SCHIP1: variants seen among roughly 807,000 people sequenced by gnomAD.
The protein encoded by SCHIP1 is schwannomin-interacting protein 1.
SCHIP1 carries 8 observed loss-of-function variants against 29.7 expected under a neutral mutation model. The observed-to-expected ratio is 0.27, with a 90% CI of 0.16 to 0.49. The LOEUF is 0.49. Ranked by LOEUF, SCHIP1 falls within the 20% of genes least tolerant of loss-of-function variation. The pLI is 0.99. For missense variants in SCHIP1, 193 were observed against 294.6 expected, an observed-to-expected ratio of 0.66 and a Z score of 2.52; for synonymous variants, 76 against 94.9, an observed-to-expected ratio of 0.80 and a Z score of 1.16.
chr3:159,542,632 T>A, the SCHIP1 span, among the ~76,000 whole-genome samples: 2 of 151,996 alleles, frequency 1.3e-5, no homozygotes, highest in African/African-American at 4.8e-5. Context: ...GAAAGGAGTC[T>A]AGGAACTGAG....
the SCHIP1 span, among the ~76,000 whole-genome samples, chr3:159,573,681 C>T: frequency 4.4e-3 from 665 of 152,274 alleles, 7 homozygotes; most frequent in African/African-American, 0.015. Flanking sequence ...GGAAGTTCTG[C>T]TGGATACTAT....
the SCHIP1 span, among the ~76,000 whole-genome samples, chr3:159,706,255 C>T: frequency 2.0e-5 from 3 of 152,092 alleles, no homozygotes; most frequent in East Asian, 5.8e-4. Context: ...ATGAATATCC[C>T]CCATTTCTCA....
the SCHIP1 span, among the ~76,000 whole-genome samples, chr3:159,287,721 G>A: frequency 1.3e-5 from 2 of 152,050 alleles, no homozygotes; most frequent in African/African-American, 2.4e-5. Context: ...CATTTTACAG[G>A]TGAAGAATCT....
chr3:159,310,561 C>T, the SCHIP1 span, among the ~76,000 whole-genome samples: 4 of 152,218 alleles, frequency 2.6e-5, no homozygotes, highest in East Asian at 1.9e-4. Context: ...TTTCCATAAG[C>T]CACAGACGGT....
chr3:159,678,821 G>A, the SCHIP1 span, among the ~76,000 whole-genome samples: 1 of 152,238 alleles, frequency 6.6e-6, no homozygotes, highest in Admixed American at 6.5e-5. Context: ...AGTGGCAGAA[G>A]ACAGAATGAG....
At chr3:159,740,233 C>A in the SCHIP1 span, among the ~76,000 whole-genome samples, 1 of 152,212 alleles carries the variant, frequency 6.6e-6, no homozygotes, top group African/African-American at 2.4e-5. Flanking sequence ...TGTCCCCAGG[C>A]TGAGCTGAAG....
At chr3:159,476,903 GTCTA>G in the SCHIP1 span, among the ~76,000 whole-genome samples, 1 of 151,986 alleles carries the variant, frequency 6.6e-6, no homozygotes, top group Non-Finnish European at 1.5e-5. Flanking sequence ...AACTTATTCT[GTCTA>G]TCTGAAACTT....
chr3:159,538,444 A>G, the SCHIP1 span, among the ~76,000 whole-genome samples: 1 of 152,160 alleles, frequency 6.6e-6, no homozygotes, highest in East Asian at 1.9e-4. Context: ...TCCTTTGTGT[A>G]GAACTGGGAC....
the SCHIP1 span, among the ~76,000 whole-genome samples, chr3:159,624,647 A>G: frequency 6.6e-6 from 1 of 152,186 alleles, no homozygotes; most frequent in Non-Finnish European, 1.5e-5. Context: ...TGGGGGTGGA[A>G]GGCAGATAGG....
the SCHIP1 span, among the ~76,000 whole-genome samples, chr3:159,721,087 C>G: frequency 3.9e-5 from 6 of 152,184 alleles, no homozygotes; most frequent in South Asian, 1.2e-3. Flanking sequence ...CTGCTGTCAG[C>G]TAGACCCACT....
At chr3:159,364,386 G>A in the SCHIP1 span, among the ~76,000 whole-genome samples, 1 of 152,016 alleles carries the variant, frequency 6.6e-6, no homozygotes, top group Non-Finnish European at 1.5e-5. Flanking sequence ...TACTGATCTA[G>A]GAATTAAAAT....
At chr3:159,523,659 G>A in the SCHIP1 span, among the ~76,000 whole-genome samples, 2 of 151,908 alleles carry the variant, frequency 1.3e-5, no homozygotes, top group African/African-American at 4.8e-5. Context: ...ATTTATTTAC[G>A]CATCCATCCA....
chr3:159,323,479 C>T, the SCHIP1 span, among the ~76,000 whole-genome samples: 2 of 152,080 alleles, frequency 1.3e-5, no homozygotes, highest in Non-Finnish European at 2.9e-5. Flanking sequence ...GGTCTGTGTA[C>T]ACACATATTT....
chr3:159,583,025 T>C, the SCHIP1 span, among the ~76,000 whole-genome samples: 2 of 152,174 alleles, frequency 1.3e-5, no homozygotes, highest in Non-Finnish European at 2.9e-5. Context: ...AGTTCATTTA[T>C]TTAAAAGCTT....
At chr3:159,344,123 A>G in the SCHIP1 span, among the ~76,000 whole-genome samples, 5 of 152,194 alleles carry the variant, frequency 3.3e-5, no homozygotes, top group Admixed American at 3.3e-4. Context: ...ACCTGAGGTC[A>G]GGAGTTCGAG....
the SCHIP1 span, among the ~76,000 whole-genome samples, chr3:159,693,023 T>C: frequency 3.3e-5 from 5 of 152,202 alleles, no homozygotes; most frequent in Non-Finnish European, 7.3e-5. Context: ...GCAATAATTG[T>C]AGATTTTGAA....
At chr3:159,808,172 A>G in the SCHIP1 span, among the ~76,000 whole-genome samples, 1 of 152,354 alleles carries the variant, frequency 6.6e-6, no homozygotes, top group East Asian at 1.9e-4. Context: ...AGAACCCATT[A>G]ATATTAAGCA....
the SCHIP1 span, among the ~76,000 whole-genome samples, chr3:159,637,371 C>CCCCACA: frequency 3.0e-5 from 4 of 134,660 alleles, no homozygotes; most frequent in Admixed American, 2.3e-4. Flanking sequence ...CCGGCCCCAG[C>CCCCACA]CACACACACA....
chr3:159,725,763 GC>G, the SCHIP1 span, among the ~76,000 whole-genome samples: 1 of 152,126 alleles, frequency 6.6e-6, no homozygotes, highest in African/African-American at 2.4e-5. Flanking sequence ...TTTTAACAGG[GC>G]CAATGGTCAC....
Sources: allele counts gnomAD v4.1 joint callset (sites outside exome capture counted in the v4.1 genomes callset), GRCh38; gene constraint gnomAD v4.1.1; transcripts MANE v1.5; gene names NCBI Gene and HGNC (gene_info 2026-07-23, HGNC 2026-07-21).